SMN1: variants seen among roughly 807,000 people sequenced by gnomAD.
SMN1 encodes survival motor neuron protein.
For missense variants in SMN1, 15 were observed against 17.1 expected, an observed-to-expected ratio of 0.88 and a Z score of 0.22; for synonymous variants, 3 against 5.1, an observed-to-expected ratio of 0.58 and a Z score of 0.56.
At chr5:70,943,452 AAAAAC>A (rs1233120838) in intron 5 of SMN1, among the ~76,000 whole-genome samples, 2 of 5,490 alleles carry the variant, frequency 3.6e-4, no homozygotes, top group Non-Finnish European at 9.7e-4. Flanking sequence ...TCTCAAACAA[AAAAAC>A]AAAACAAAAC....
intron 7 of SMN1, among the ~76,000 whole-genome samples, chr5:70,950,419 A>G (rs1749659866): frequency 6.8e-6 from 1 of 147,786 alleles, no homozygotes; most frequent in African/African-American, 2.5e-5. Flanking sequence ...CTCCGTCTCA[A>G]AAAAAAAAGG....
At chr5:70,945,327 T>C (rs965036414) in intron 6 of SMN1, among the ~76,000 whole-genome samples, 2 of 12,390 alleles carry the variant, frequency 1.6e-4, no homozygotes, top group African/African-American at 6.6e-4. Flanking sequence ...GGTTTCACCA[T>C]GTTGGCCAGA....
intron 7 of SMN1, among the ~76,000 whole-genome samples, chr5:70,950,110 T>C (rs369715778): frequency 2.1e-5 from 3 of 145,572 alleles, no homozygotes; most frequent in Non-Finnish European, 4.5e-5. Flanking sequence ...AGGAACATCA[T>C]TGGACATACT....
the SMN1 span, among the ~76,000 whole-genome samples, chr5:70,960,169 CTGT>C: frequency 2.1e-4 from 31 of 150,600 alleles, 6 homozygotes; most frequent in South Asian, 6.2e-3. Context: ...TTTTAATTTT[CTGT>C]TGTTTATATC....
chr5:70,950,020 A>G lies in SMN1; in HGVS notation c.835-1921A>G, dbSNP rs890882133. Among the ~76,000 whole-genome samples, 10 of 144,708 alleles carry G rather than the reference A, an allele frequency of 6.9e-5. 1 individual carries two copies. Among genetic ancestry groups the G allele is most frequent in the African/African-American group, 1.3e-4 (5 of 37,650 alleles). The allele number at this position is 144,708 out of a possible 152,430, so 94.9% of individuals were successfully genotyped here. ...GAGGTGGAGGTTGCGGTGAGCCGAG[A>G]TCACCTCATTGCACTCCAGCCTGGG... is the stretch of plus-strand genomic sequence containing the variant. On this transcript the variant is annotated intron_variant, in intron 7 of 8. Transcript: ENST00000380707.
chr5:70,960,008 TACC>T, the SMN1 span, among the ~76,000 whole-genome samples: 1 of 141,146 alleles, frequency 7.1e-6, no homozygotes, highest in Non-Finnish European at 1.6e-5. Flanking sequence ...TCTATATTTA[TACC>T]AACATGGAGA....
At chr5:70,958,983 A>G in the SMN1 span, among the ~76,000 whole-genome samples, 1 of 150,476 alleles carries the variant, frequency 6.6e-6, no homozygotes, top group African/African-American at 2.4e-5. Flanking sequence ...ACTATTCACA[A>G]TAGCAAAGAC....
At chr5:70,958,775 A>G (rs1304514143), downstream of SMN1, among the ~76,000 whole-genome samples, 2 of 148,504 alleles carry the variant, frequency 1.3e-5, no homozygotes, top group African/African-American at 4.9e-5. Flanking sequence ...TGGTGCTGAA[A>G]AAAATGTATA....
rs577891293 is a variant in SMN1 at position 70,952,014 on chromosome 5, G to C, written c.*3+20G>C. The C allele has an allele frequency of 3.1e-6, 5 of 1,610,936 alleles. No homozygotes were observed. The South Asian group carries it at 5.5e-5, about 18-fold the overall frequency. On this transcript the variant is annotated intron_variant, in intron 8 of 8. Transcript: ENST00000380707. The stretch of plus-strand genomic sequence containing the variant: ...TAAGGAGTAAGTCTGCCAGCATTAT[G>C]AAAGTGAATCTTACTTTTGTAAAAC...
At chr5:70,950,522 C>T (rs1196719839) in intron 7 of SMN1, among the ~76,000 whole-genome samples, 1 of 149,372 alleles carries the variant, frequency 6.7e-6, no homozygotes, top group South Asian at 2.1e-4. Context: ...GGTGCAATCT[C>T]GGCTCACTGC....
chr5:70,958,863 C>A (rs901738237), downstream of SMN1, among the ~76,000 whole-genome samples: 1 of 150,072 alleles, frequency 6.7e-6, no homozygotes, highest in Non-Finnish European at 1.5e-5. Flanking sequence ...CCTCAGGGAT[C>A]TAGAACTAGA....
At chr5:70,963,826 G>A in the SMN1 span, among the ~76,000 whole-genome samples, 1 of 114,056 alleles carries the variant, frequency 8.8e-6, no homozygotes, top group Non-Finnish European at 2.0e-5. Flanking sequence ...GTAGTGGTTG[G>A]AAGAGTTTAC....
chr5:70,943,629 T>C (rs1468037444), intron 5 of SMN1, among the ~76,000 whole-genome samples: 2 of 64,932 alleles, frequency 3.1e-5, no homozygotes, highest in East Asian at 4.0e-4. Flanking sequence ...AATGTAAATA[T>C]TGTTTTCATT....
At chr5:70,960,084 T>G in the SMN1 span, among the ~76,000 whole-genome samples, 2 of 150,020 alleles carry the variant, frequency 1.3e-5, no homozygotes, top group South Asian at 2.1e-4. Context: ...AATTGAATAG[T>G]TAAAAATGAT....
At chr5:70,958,801 G>A (rs1327153105), downstream of SMN1, among the ~76,000 whole-genome samples, 1 of 149,738 alleles carries the variant, frequency 6.7e-6, no homozygotes, top group Non-Finnish European at 1.5e-5. Flanking sequence ...TTGATGTGGG[G>A]TGGAGAGTTC....
At chr5:70,957,526 A>C (rs1379194059), downstream of SMN1, among the ~76,000 whole-genome samples, 2 of 149,216 alleles carry the variant, frequency 1.3e-5, no homozygotes, top group African/African-American at 5.0e-5. Context: ...TTTAGCATGA[A>C]GGATTGTTGA....
Position 70,951,965 on chromosome 5 carries a change from G to C in SMN1, c.859G>C (p.Gly287Arg), listed in dbSNP as rs1749774054. ...GGGTTTCAGACAAAATCAAAAAGAA[G>C]GAAGGTGCTCACATTCCTTAAATTA... Reference protein sequence around the residue: ...YMGFRQNQKEGRCSHSLN With the variant: ...YMGFRQNQKERRCSHSLN The change falls in exon 8 of 9, where the codon GGA (glycine) becomes CGA (arginine). Residue 287 changes from glycine (G) to arginine (R), a missense_variant. Transcript: ENST00000380707. 1 of 1,612,830 alleles carries C rather than the reference G, an allele frequency of 6.2e-7. No homozygotes were observed. The highest frequency in any genetic ancestry group is 1.1e-5 in the South Asian group (1 of 91,016).
At chr5:70,950,398 CAA>C (rs1272958304) in intron 7 of SMN1, among the ~76,000 whole-genome samples, 16 of 147,768 alleles carry the variant, frequency 1.1e-4, no homozygotes, top group Non-Finnish European at 3.0e-5. Flanking sequence ...GCCTGGGCAA[CAA>C]GAGCGAAACT....
At chr5:70,959,173 G>A in the SMN1 span, among the ~76,000 whole-genome samples, 6 of 148,494 alleles carry the variant, frequency 4.0e-5, no homozygotes, top group Non-Finnish European at 9.0e-5. Context: ...ACCAAACACC[G>A]CATGTTCTCA....
Sources: allele counts gnomAD v4.1 joint callset (sites outside exome capture counted in the v4.1 genomes callset), GRCh38; gene constraint gnomAD v4.1.1; transcripts MANE v1.5; gene names NCBI Gene and HGNC (gene_info 2026-07-23, HGNC 2026-07-21).